Variants in HNRNPDL observed in about 807,000 individuals in gnomAD.
The protein encoded by HNRNPDL is heterogeneous nuclear ribonucleoprotein D like.
Under a neutral mutation model 48.0 loss-of-function variants are expected in HNRNPDL, and 18 were observed. The observed-to-expected ratio is 0.38, with a 90% CI of 0.26 to 0.56. The LOEUF is 0.56. HNRNPDL is among the 20% of genes least tolerant of loss of function. HNRNPDL has a pLI of 0.77. For missense variants in HNRNPDL, 553 were observed against 540.7 expected (o/e 1.02, Z -0.23); for synonymous variants, 306 against 207.3 (o/e 1.48, Z -4.09).
In HNRNPDL at chr4:82,422,794, A is replaced by C. The variant is rs1448596819; in HGVS notation, c.*2112T>G. 6.6e-6 allele frequency: 1 copy of C among 152,252 alleles called. No individual in the cohort carries two copies. Among genetic ancestry groups the C allele is most frequent in the Non-Finnish European group, 1.5e-5 (1 of 68,046 alleles). The allele number at this position is 152,252 out of a possible 1,614,324, so 9.4% of individuals were successfully genotyped here. ...CTATCCTCTTCCCGAGGATAACATCACACAGAATTTGGTCTAAACAATGTA... is the reference window on the plus strand; with the variant it reads ...CTATCCTCTTCCCGAGGATAACATCCCACAGAATTTGGTCTAAACAATGTA... On this transcript the variant is annotated 3_prime_UTR_variant, in exon 8 of 8. Transcript: ENST00000295470.
rs752922266 is a variant in HNRNPDL at position 82,429,311 on chromosome 4, C to T, written c.380G>A (p.Ser127Asn). The change falls in exon 1 of 8, where the codon AGC becomes AAC. Residue 127 changes from serine (S) to asparagine (N), a missense_variant. Around this residue, in one of 4 missense-constraint regions of HNRNPDL, gnomAD observed 327 missense variants for 203.2 expected, o/e 1.61. Transcript: ENST00000295470. ...SVTMEDMNEY[S>N]NIEEFAEGSK... is the part of the protein sequence containing the mutation. ...TCCCTCTGCGAATTCCTCTATATTG[C>T]TGTACTCGTTCATATCCTCCATAGT... 6.8e-6 allele frequency: 11 copies of T among 1,613,798 alleles called. 1 individual carries two copies. The South Asian group carries it at 9.9e-5, about 14-fold the overall frequency.
In HNRNPDL at chr4:82,424,181, T is replaced by C. The variant is rs1358991721; in HGVS notation, c.*725A>G. The C allele has an allele frequency of 6.6e-6, 1 of 152,246 alleles. No homozygotes were observed. Among genetic ancestry groups the C allele is most frequent in the Non-Finnish European group, 1.5e-5 (1 of 68,046 alleles). 9.4% of individuals were successfully genotyped at this position (152,246 alleles called of 1,614,324 possible). ...AACTTTTATCAAGAATTACTCATTG[T>C]GTTATGATTACAAAGCTTTTTCTAG... On this transcript the variant is annotated 3_prime_UTR_variant, in exon 8 of 8. Coordinates refer to ENST00000295470, the MANE Select transcript of HNRNPDL (RefSeq NM_031372.4).
rs149398529 is a variant in HNRNPDL at position 82,423,797 on chromosome 4, AGTCACATTTGTAATGACTTT to A, written c.*1089_*1108del. The A allele has an allele frequency of 0.063, 9,477 of 151,394 alleles. 313 individuals are homozygous for A. The highest frequency in any genetic ancestry group is 0.09 in the Admixed American group (1,373 of 15,224). The allele number at this position is 151,394 out of a possible 1,614,324, so 9.4% of individuals were successfully genotyped here. A position where few individuals can be genotyped will look rare whatever the true frequency, so the allele number is the denominator to read the frequency against. ...GACTCAGTCACATTTGTAATGACTT[AGTCACATTTGTAATGACTTT>A]GTCATAACCAAGATACCTTTTCCAC... On this transcript the variant is annotated 3_prime_UTR_variant, in exon 8 of 8. Transcript: ENST00000295470.
rs1721356196 is a variant in HNRNPDL, at chr4:82,424,889, A to T, written c.*23-6T>A. 1.3e-5 allele frequency: 2 copies of T among 152,230 alleles called. No individual in the cohort carries two copies. Among genetic ancestry groups the T allele is most frequent in the South Asian group, 4.1e-4 (2 of 4,834 alleles). 9.4% of individuals were successfully genotyped at this position (152,230 alleles called of 1,614,324 possible). A position where few individuals can be genotyped will look rare whatever the true frequency, so the allele number is the denominator to read the frequency against. On this transcript the variant is annotated splice_region_variant and splice_polypyrimidine_tract_variant and intron_variant, in intron 7 of 7. Coordinates refer to ENST00000295470, the MANE Select transcript of HNRNPDL (RefSeq NM_031372.4). ...GGTTACTTTAACATCTCCTCCTAAA[A>T]ACAAAAACAAAATACCAGTTAGATT...
At chr4:82,426,015 T>G in intron 7 of HNRNPDL, 22 bp downstream of exon 7, 1 of 1,397,022 alleles carries the variant, frequency 7.2e-7, no homozygotes, top group Non-Finnish European at 1.0e-6. Flanking sequence ...TTTCTACTGT[T>G]TTCCTGTACT....
At position 82,429,752 on chromosome 4, in the gene HNRNPDL, A is replaced by G; in HGVS notation, c.-62T>C. 1 of 1,242,480 alleles carries G rather than the reference A, an allele frequency of 8.0e-7. No homozygotes were observed. Among genetic ancestry groups the G allele is most frequent in the East Asian group, 3.1e-5 (1 of 31,994 alleles). The allele number at this position is 1,242,480 out of a possible 1,614,324, so 77.0% of individuals were successfully genotyped here. On this transcript the variant is annotated 5_prime_UTR_variant, in exon 1 of 8. Transcript: ENST00000295470. ...GGGGACGCGGGCTTGGGAGAAGAGA[A>G]GAATCAGAAGAGAAAAACGAAGGGG...
In HNRNPDL at chr4:82,429,720, C is replaced by G; in HGVS notation, c.-30G>C. ...GCCCTCCCGGCAAGGAGAGAGGCCA[C>G]GCGTGAGGGGACGCGGGCTTGGGAG... On this transcript the variant is annotated 5_prime_UTR_variant, in exon 1 of 8. Coordinates refer to ENST00000295470, the MANE Select transcript of HNRNPDL (RefSeq NM_031372.4). 2 of 1,325,904 alleles carry G rather than the reference C, an allele frequency of 1.5e-6. No homozygotes were observed. Among genetic ancestry groups the G allele is most frequent in the East Asian group, 3.1e-5 (1 of 32,470 alleles). The allele number at this position is 1,325,904 out of a possible 1,614,324, so 82.1% of individuals were successfully genotyped here. A position where few individuals can be genotyped will look rare whatever the true frequency, so the allele number is the denominator to read the frequency against.
intron 6 of HNRNPDL, 149 bp downstream of exon 6, chr4:82,426,314 T>C (rs994853749): frequency 7.1e-6 from 6 of 847,626 alleles, no homozygotes; most frequent in Non-Finnish European, 9.3e-6. Context: ...TCTATGTTAG[T>C]ATAATCATCC....
In HNRNPDL at chr4:82,424,851, G is replaced by A. The variant is rs988233216; in HGVS notation, c.*55C>T. On this transcript the variant is annotated 3_prime_UTR_variant, in exon 8 of 8. Coordinates refer to ENST00000295470, the MANE Select transcript of HNRNPDL (RefSeq NM_031372.4). ...CAACAGAAGACCAATCTTCAATGTC[G>A]TCCTGCAAGATGGGTTACTTTAACA... The A allele has an allele frequency of 4.6e-5, 7 of 152,128 alleles. No homozygotes were observed. The highest frequency in any genetic ancestry group is 2.1e-4 in the South Asian group (1 of 4,828). The allele number at this position is 152,128 out of a possible 1,614,324, so 9.4% of individuals were successfully genotyped here. A position where few individuals can be genotyped will look rare whatever the true frequency, so the allele number is the denominator to read the frequency against.
At position 82,429,255 on chromosome 4, in the gene HNRNPDL, CCTG is replaced by C. The variant is rs1372940837; in HGVS notation, c.433_435del (p.Gln145del). ...GGAAGAAGCGTGCGGTACCCGTCAT[CCTG>C]CTGATTCTTGCTCGCGTTGATCTTG... On this transcript the variant is annotated inframe_deletion, in exon 1 of 8. Transcript: ENST00000295470. 1 of 1,613,264 alleles carries C rather than the reference CCTG, an allele frequency of 6.2e-7. No individual in the cohort carries two copies. Among genetic ancestry groups the C allele is most frequent in the Non-Finnish European group, 8.5e-7 (1 of 1,179,864 alleles).
chr4:82,429,953 T>G lies in HNRNPDL; in HGVS notation c.-263A>C. ...GCGGAGCCGCTGCGGCGGCCGCTGC[T>G]ACCGACTAGCACCGCGGCCAGTCTG... On this transcript the variant is annotated 5_prime_UTR_variant, in exon 1 of 8. Coordinates refer to ENST00000295470, the MANE Select transcript of HNRNPDL (RefSeq NM_031372.4). 3 of 290,786 alleles carry G rather than the reference T, an allele frequency of 1.0e-5. No homozygotes were observed. The highest frequency in any genetic ancestry group is 5.2e-5 in the Admixed American group (1 of 19,270). 18.0% of individuals were successfully genotyped at this position (290,786 alleles called of 1,614,324 possible).
Position 82,426,074 on chromosome 4 carries a change from A to G in HNRNPDL, c.1248T>C (p.Asn416=), listed in dbSNP as rs775577778. 1.2e-5 allele frequency: 20 copies of G among 1,613,304 alleles called. No homozygotes were observed. In the African/African-American group the frequency reaches 1.5e-4, roughly 12 times the overall value. The change falls in exon 7 of 8, where the codon AAT becomes AAC. Residue 416 remains asparagine, a synonymous_variant. Transcript: ENST00000295470. ...ASRGGGNHQN[N]YQPY The stretch of plus-strand genomic sequence containing the variant: ...ATGTTCTCCTTTAGTATGGCTGGTA[A>G]TTGTTTTGGTGATTGCCACCCCCTC...
At position 82,430,150 on chromosome 4, in the gene HNRNPDL, C is replaced by T. The variant is rs1721664225; in HGVS notation, c.-460G>A. On this transcript the variant is annotated 5_prime_UTR_variant, in exon 1 of 8. Coordinates refer to ENST00000295470, the MANE Select transcript of HNRNPDL (RefSeq NM_031372.4). ...GCGCGGGCGCCTCTTCCACTGTGAC[C>T]ACGGGCGCGCGGGCCAAGGGGGCGC... The T allele has an allele frequency of 1.3e-5, 2 of 152,494 alleles. No homozygotes were observed. The highest frequency in any genetic ancestry group is 2.9e-5 in the Non-Finnish European group (2 of 68,392). 9.4% of individuals were successfully genotyped at this position (152,494 alleles called of 1,614,324 possible). A position where few individuals can be genotyped will look rare whatever the true frequency, so the allele number is the denominator to read the frequency against.
rs189841383 is a variant in HNRNPDL at position 82,429,634 on chromosome 4, G to A, written c.57C>T (p.Pro19=). 2 of 1,373,090 alleles carry A rather than the reference G, an allele frequency of 1.5e-6. No homozygotes were observed. The highest frequency in any genetic ancestry group is 3.0e-5 in the East Asian group (1 of 33,126). The allele number at this position is 1,373,090 out of a possible 1,614,324, so 85.1% of individuals were successfully genotyped here. Residue 19 remains proline (P), a synonymous_variant, in exon 1 of 8, where the codon CCC becomes CCT. Coordinates refer to ENST00000295470, the MANE Select transcript of HNRNPDL (RefSeq NM_031372.4). ...AGAGGCTGCGGGAGGCTAAAGTAGC[G>A]GGAGCGGAGGGGAACAATGGCGGCG... ...HVPPPLFPSA[P]ATLASRSLSH...
intron 7 of HNRNPDL, 70 bp downstream of exon 7, chr4:82,425,967 G>T: frequency 1.9e-6 from 2 of 1,048,276 alleles, no homozygotes; most frequent in Non-Finnish European, 2.9e-6. Flanking sequence ...TTGTTTTTAC[G>T]TTTCATTTGT....
At chr4:82,426,397 C>T in intron 6 of HNRNPDL, 66 bp downstream of exon 6, 2 of 1,398,062 alleles carry the variant, frequency 1.4e-6, no homozygotes, top group Non-Finnish European at 2.0e-6. Context: ...AATTTCAGAA[C>T]AGGATTGTAT....
intron 5 of HNRNPDL, 126 bp from the exon 6 acceptor site, chr4:82,426,759 G>A (rs1415034367): frequency 7.9e-6 from 6 of 762,106 alleles, no homozygotes; most frequent in African/African-American, 1.8e-5. Context: ...ATTGCTATCT[G>A]CTTGAAAAAC....
In HNRNPDL at chr4:82,426,594, T is replaced by C; in HGVS notation, c.1061A>G (p.Tyr354Cys). 1 of 1,613,848 alleles carries C rather than the reference T, an allele frequency of 6.2e-7. No homozygotes were observed. The highest frequency in any genetic ancestry group is 8.5e-7 in the Non-Finnish European group (1 of 1,179,882). ...QNWNQGFNNYYDQGYGNYNSA... is the reference protein window; with the variant it reads ...QNWNQGFNNYCDQGYGNYNSA... ...ATTGTAATTTCCATATCCTTGATCA[T>C]AATAGTTATTAAATCCTTGGTTCCA... The change falls in exon 6 of 8, where the codon TAT becomes TGT. Residue 354 changes from tyrosine to cysteine, a missense_variant. Tyr to Cys is a radical substitution (Grantham distance 194). Transcript: ENST00000295470.
Position 82,430,427 on chromosome 4 carries a change from TCTCGCGCACCCTGC to T in HNRNPDL, c.-751_-738del, listed in dbSNP as rs1721689532. 5.3e-6 allele frequency: 1 copy of T among 187,414 alleles called. No homozygotes were observed. Among genetic ancestry groups the T allele is most frequent in the Non-Finnish European group, 1.1e-5 (1 of 90,488 alleles). The allele number at this position is 187,414 out of a possible 1,614,324, so 11.6% of individuals were successfully genotyped here. On this transcript the variant is annotated 5_prime_UTR_variant, in exon 1 of 8. Transcript: ENST00000295470. ...CTCAACCTGTCTGCGGAGGGCGCGCTCTCGCGCACCCTGCTCCCGCGTTCGCTTCTTTGTTCCCG... is the reference window on the plus strand; with the variant it reads ...CTCAACCTGTCTGCGGAGGGCGCGCTTCCCGCGTTCGCTTCTTTGTTCCCG...
Sources: allele counts gnomAD v4.1 joint callset, GRCh38; gene constraint gnomAD v4.1.1; regional missense constraint gnomAD v4.1.1; transcripts MANE v1.5; gene names NCBI Gene and HGNC (gene_info 2026-07-23, HGNC 2026-07-21).